SFSWAP: variants seen among roughly 807,000 people sequenced by gnomAD.
The protein encoded by SFSWAP is splicing factor, suppressor of white-apricot homolog.
SFSWAP carries 17 observed loss-of-function variants against 100.7 expected under a neutral mutation model. The observed-to-expected ratio is 0.17, with a 90% CI of 0.12 to 0.25. SFSWAP has a LOEUF of 0.25. Ranked by LOEUF, SFSWAP falls within the 10% of genes least tolerant of loss-of-function variation. The pLI, the probability that SFSWAP is intolerant of heterozygous loss-of-function variation, is 1.00. For missense variants in SFSWAP, 1,005 were observed against 1,262.6 expected (o/e 0.80, Z 3.09); for synonymous variants, 504 against 510.1 (o/e 0.99, Z 0.16).
At chr12:131,723,383 T>C (rs938741558) in intron 4 of SFSWAP, 1 of 152,190 alleles carries the variant, frequency 6.6e-6, no homozygotes, top group African/African-American at 2.4e-5. Context: ...TAGAGTGATA[T>C]ATGTCCCTCT....
chr12:131,797,859 C>T lies in SFSWAP; in HGVS notation c.2717+499C>T, dbSNP rs929293175. 2.6e-5 allele frequency among the ~76,000 whole-genome samples: 4 copies of T among 152,254 alleles called. No homozygotes were observed. In the South Asian group the frequency reaches 6.2e-4, roughly 24 times the overall value. On this transcript the variant is annotated intron_variant, in intron 16 of 17. Transcript: ENST00000261674. ...TAATGACTTCAAGTCAGACACCCTC[C>T]GCTGCCCAGGCACCCACACCCTGGG...
chr12:131,745,770 CAAAAA>C (rs1181381602), intron 7 of SFSWAP, among the ~76,000 whole-genome samples: 1 of 119,280 alleles, frequency 8.4e-6, no homozygotes, highest in South Asian at 2.6e-4. Context: ...TTTTTTTTGG[CAAAAA>C]AAAAAAGGTA....
chr12:131,779,516 G>T (rs1463010008), intron 14 of SFSWAP, among the ~76,000 whole-genome samples: 3 of 152,198 alleles, frequency 2.0e-5, no homozygotes, highest in Admixed American at 2.0e-4. Flanking sequence ...ACCTACAGGA[G>T]GTTGGCACAG....
At chr12:131,758,595 A>G (rs1882388819) in intron 11 of SFSWAP, among the ~76,000 whole-genome samples, 1 of 152,234 alleles carries the variant, frequency 6.6e-6, no homozygotes, top group East Asian at 1.9e-4. Context: ...TTTGTATTCT[A>G]CAAAATGGAA....
intron 13 of SFSWAP, among the ~76,000 whole-genome samples, chr12:131,766,835 G>A (rs1216408706): frequency 6.6e-6 from 1 of 152,248 alleles, no homozygotes; most frequent in African/African-American, 2.4e-5. Flanking sequence ...TTACATGGGG[G>A]TCATCACGTG....
intron 7 of SFSWAP, among the ~76,000 whole-genome samples, chr12:131,742,042 T>C (rs1051320032): frequency 6.6e-6 from 1 of 152,192 alleles, no homozygotes; most frequent in Non-Finnish European, 1.5e-5. Context: ...ACAGCCTTCT[T>C]GGGAAGACCT....
At position 131,719,510 on chromosome 12, in the gene SFSWAP, G is replaced by C; in HGVS notation, c.577G>C (p.Gly193Arg). 1 of 1,614,112 alleles carries C rather than the reference G, an allele frequency of 6.2e-7. No homozygotes were observed. The highest frequency in any genetic ancestry group is 8.5e-7 in the Non-Finnish European group (1 of 1,179,990). Residue 193 changes from glycine to arginine, a missense_variant, in exon 4 of 18, where the codon GGA becomes CGA. This residue lies in a region of SFSWAP where 237 missense variants were observed against 337.0 expected (regional missense o/e 0.70). Coordinates refer to ENST00000261674, the MANE Select transcript of SFSWAP (RefSeq NM_004592.4). Reference sequence around the variant, plus strand: ...TGAAGAGCCCTTCGTTGCCCCCTTAGGATTGAGCGTCCCGTCTGACGTGGA... The same window carrying C: ...TGAAGAGCCCTTCGTTGCCCCCTTACGATTGAGCGTCCCGTCTGACGTGGA... ...ENEEPFVAPLGLSVPSDVELP... is the reference protein window; with the variant it reads ...ENEEPFVAPLRLSVPSDVELP...
At chr12:131,767,698 ATC>A (rs1243612656) in intron 13 of SFSWAP, among the ~76,000 whole-genome samples, 2 of 152,298 alleles carry the variant, frequency 1.3e-5, no homozygotes, top group African/African-American at 4.8e-5. Flanking sequence ...TCTCAACCTA[ATC>A]TCTCTCTTTA....
chr12:131,764,112 C>A (rs562356453), intron 11 of SFSWAP, among the ~76,000 whole-genome samples: 1 of 152,082 alleles, frequency 6.6e-6, no homozygotes, highest in Non-Finnish European at 1.5e-5. Flanking sequence ...GGCGACAGAG[C>A]GAGACTCCAT....
intron 16 of SFSWAP, 93 bp downstream of exon 16, chr12:131,797,453 A>G: frequency 1.7e-6 from 2 of 1,183,312 alleles, no homozygotes; most frequent in Non-Finnish European, 2.3e-6. Flanking sequence ...CTATGTCAGT[A>G]CTCGCCTGTG....
rs1884211871 is a variant in SFSWAP at position 131,778,580 on chromosome 12, C to T, written c.2408+250C>T. 6.6e-6 allele frequency among the ~76,000 whole-genome samples: 1 copy of T among 152,138 alleles called. No individual in the cohort carries two copies. The highest frequency in any genetic ancestry group is 1.5e-5 in the Non-Finnish European group (1 of 68,018). The stretch of plus-strand genomic sequence containing the variant: ...TTGCCCAGGCTAGAGTGCAGTGGTG[C>T]GATCTTGGCTCACTGCAACCTCCGC... On this transcript the variant is annotated intron_variant, in intron 14 of 17. Coordinates refer to ENST00000261674, the MANE Select transcript of SFSWAP (RefSeq NM_004592.4). The surrounding 1 kb of genome is among the most constrained non-coding windows in gnomAD (Gnocchi z 4.2).
At chr12:131,798,912 G>C in intron 16 of SFSWAP, 125 bp from the exon 17 acceptor site, 1 of 683,506 alleles carries the variant, frequency 1.5e-6, no homozygotes, top group Non-Finnish European at 2.6e-6. Context: ...AAAGATACTG[G>C]AAGCAGATGC....
At chr12:131,782,166 C>A (rs951191481) in intron 14 of SFSWAP, among the ~76,000 whole-genome samples, 6 of 152,234 alleles carry the variant, frequency 3.9e-5, no homozygotes, top group Admixed American at 3.9e-4. Context: ...GAAGAAGAAG[C>A]TGGTGGTTTC....
At chr12:131,726,750 G>A (rs1593117107) in intron 5 of SFSWAP, among the ~76,000 whole-genome samples, 190 bp from the exon 6 acceptor site, 2 of 152,222 alleles carry the variant, frequency 1.3e-5, no homozygotes, top group Admixed American at 6.5e-5. Context: ...GTCACCAAAT[G>A]GGCAAAGGTC....
chr12:131,758,893 T>C (rs1296553609), intron 11 of SFSWAP, among the ~76,000 whole-genome samples: 1 of 152,172 alleles, frequency 6.6e-6, no homozygotes, highest in Non-Finnish European at 1.5e-5. Flanking sequence ...GAAACCAGCC[T>C]GGACAACATC....
At position 131,778,089 on chromosome 12, in the gene SFSWAP, C is replaced by G. The variant is rs1261443993; in HGVS notation, c.2167C>G (p.Leu723Val). 1 of 1,613,558 alleles carries G rather than the reference C, an allele frequency of 6.2e-7. No homozygotes were observed. Among genetic ancestry groups the G allele is most frequent in the South Asian group, 1.1e-5 (1 of 91,078 alleles). ...GGAATCCAGCACTACGCCCTGCCCTCTACTGACTGGAGGCAGGCCTCTGCC... is the reference window on the plus strand; with the variant it reads ...GGAATCCAGCACTACGCCCTGCCCTGTACTGACTGGAGGCAGGCCTCTGCC... ...VEESSTTPCP[L>V]LTGGRPLPTL... Residue 723 changes from leucine to valine, a missense_variant, in exon 14 of 18, where the codon CTA (leucine) becomes GTA (valine). Leu to Val is a conservative substitution (Grantham distance 32, BLOSUM62 1). Transcript: ENST00000261674. The surrounding 1 kb of genome is among the most constrained non-coding windows in gnomAD (Gnocchi z 4.2).
At chr12:131,739,778 C>T (rs746585036) in intron 7 of SFSWAP, among the ~76,000 whole-genome samples, 3 of 151,566 alleles carry the variant, frequency 2.0e-5, no homozygotes, top group Non-Finnish European at 4.4e-5. Flanking sequence ...CTCCTGACCT[C>T]GTGATTCACC....
intron 3 of SFSWAP, 112 bp downstream of exon 3, chr12:131,715,065 C>T (rs1033805082): frequency 9.5e-7 from 1 of 1,057,078 alleles, no homozygotes. Flanking sequence ...GATAGCACCA[C>T]TATGACCACA....
intron 15 of SFSWAP, among the ~76,000 whole-genome samples, chr12:131,795,473 C>T (rs780917905): frequency 1.2e-4 from 18 of 152,334 alleles, no homozygotes; most frequent in Middle Eastern, 3.4e-3. Flanking sequence ...CTAAGTTCTG[C>T]AGGGCCAGAC....
Sources: gnomAD v4.1 joint callset for allele counts (sites outside exome capture counted in the v4.1 genomes callset) on GRCh38, gnomAD v4.1.1 for gene constraint, gnomAD v4.1.1 regional missense constraint, Gnocchi (gnomAD v3.1) non-coding constraint, MANE v1.5 for transcripts, NCBI Gene and HGNC (gene_info 2026-07-23, HGNC 2026-07-21) for gene names.